The following QTMAN variants were observed in gnomAD, a reference collection of about 807,000 sequenced individuals.
QTMAN encodes queuosine-tRNA mannosyltransferase.
At chr2:144,183,801 A>T in the QTMAN span, among the ~76,000 whole-genome samples, 1 of 152,134 alleles carries the variant, frequency 6.6e-6, no homozygotes, top group Non-Finnish European at 1.5e-5. Context: ...TATCCTAACA[A>T]CACCTCCCCA....
chr2:143,981,323 A>C, the QTMAN span, among the ~76,000 whole-genome samples: 2 of 152,132 alleles, frequency 1.3e-5, no homozygotes, highest in Non-Finnish European at 2.9e-5. Context: ...CTATGAAATG[A>C]CATGAAGAAC....
chr2:144,098,706 C>T, the QTMAN span, among the ~76,000 whole-genome samples: 1 of 150,062 alleles, frequency 6.7e-6, no homozygotes, highest in South Asian at 2.1e-4. Context: ...CAGAGCAAGA[C>T]TCTGTCTCAA....
At chr2:144,188,841 G>C in the QTMAN span, among the ~76,000 whole-genome samples, 1 of 151,952 alleles carries the variant, frequency 6.6e-6, no homozygotes, top group African/African-American at 2.4e-5. Flanking sequence ...ACAACAATCT[G>C]TCCAATTAGT....
At chr2:144,012,415 G>A in the QTMAN span, among the ~76,000 whole-genome samples, 5 of 152,284 alleles carry the variant, frequency 3.3e-5, no homozygotes, top group South Asian at 1.0e-3. Flanking sequence ...AAGATTGATG[G>A]TAAGCAAAAG....
chr2:144,233,108 C>T, the QTMAN span, among the ~76,000 whole-genome samples: 11 of 151,974 alleles, frequency 7.2e-5, no homozygotes, highest in Non-Finnish European at 1.3e-4. Context: ...AAATAGAAAA[C>T]AATGGCAGAC....
the QTMAN span, among the ~76,000 whole-genome samples, chr2:144,248,162 A>G: frequency 6.6e-6 from 1 of 152,346 alleles, no homozygotes; most frequent in Admixed American, 6.5e-5. Context: ...ACGGTCAGCA[A>G]TAGGTGACTA....
At chr2:144,170,479 T>C in the QTMAN span, among the ~76,000 whole-genome samples, 1 of 152,166 alleles carries the variant, frequency 6.6e-6, no homozygotes, top group African/African-American at 2.4e-5. Context: ...TGGGTTTGCA[T>C]CATAGCTGAG....
chr2:144,188,945 CA>C, the QTMAN span, among the ~76,000 whole-genome samples: 1 of 151,796 alleles, frequency 6.6e-6, no homozygotes, highest in Non-Finnish European at 1.5e-5. Context: ...TTCAAAGTAG[CA>C]AAACAAGAGG....
chr2:144,235,153 A>C, the QTMAN span, among the ~76,000 whole-genome samples: 1 of 152,182 alleles, frequency 6.6e-6, no homozygotes, highest in Non-Finnish European at 1.5e-5. Flanking sequence ...AAAGTAGTCC[A>C]GAGAATGATG....
the QTMAN span, chr2:143,957,130 C>T: frequency 7.6e-5 from 95 of 1,250,766 alleles, no homozygotes; most frequent in Non-Finnish European, 9.4e-5. Context: ...GAAATAACAG[C>T]GAACACACAT....
At chr2:144,021,787 T>C in the QTMAN span, among the ~76,000 whole-genome samples, 1 of 152,152 alleles carries the variant, frequency 6.6e-6, no homozygotes, top group African/African-American at 2.4e-5. Flanking sequence ...ACTTTTTACA[T>C]AGTAATAATG....
the QTMAN span, among the ~76,000 whole-genome samples, chr2:144,272,469 A>G: frequency 6.6e-6 from 1 of 152,194 alleles, no homozygotes; most frequent in Non-Finnish European, 1.5e-5. Flanking sequence ...AACAAATAAC[A>G]CTATGCATGA....
At chr2:143,976,742 T>C in the QTMAN span, among the ~76,000 whole-genome samples, 1 of 152,234 alleles carries the variant, frequency 6.6e-6, no homozygotes, top group Non-Finnish European at 1.5e-5. Flanking sequence ...TTCTTTTCTC[T>C]CTTTTGGCTA....
the QTMAN span, among the ~76,000 whole-genome samples, chr2:144,027,954 G>C: frequency 6.6e-6 from 1 of 152,166 alleles, no homozygotes; most frequent in Non-Finnish European, 1.5e-5. Flanking sequence ...TCGTGCTGTA[G>C]AATTGGCTTA....
At chr2:144,162,910 T>G in the QTMAN span, among the ~76,000 whole-genome samples, 1 of 152,084 alleles carries the variant, frequency 6.6e-6, no homozygotes, top group Non-Finnish European at 1.5e-5. Context: ...TGTGCCCAGC[T>G]AGGGAAAGCC....
the QTMAN span, among the ~76,000 whole-genome samples, chr2:144,174,991 G>A: frequency 2.0e-5 from 3 of 152,134 alleles, no homozygotes; most frequent in Admixed American, 6.6e-5. Context: ...TGACCATGTA[G>A]ATATAATCCA....
chr2:143,951,839 ATCCTT>A, the QTMAN span: 1 of 570,314 alleles, frequency 1.8e-6, no homozygotes, highest in Non-Finnish European at 3.2e-6. Flanking sequence ...AGTTTAATTA[ATCCTT>A]GTTAGTGTAA....
At chr2:143,992,487 C>A in the QTMAN span, among the ~76,000 whole-genome samples, 1 of 150,270 alleles carries the variant, frequency 6.7e-6, no homozygotes, top group South Asian at 2.1e-4. Flanking sequence ...TGTCCTATGA[C>A]CCTGCCAAAT....
chr2:144,314,807 C>T, the QTMAN span, among the ~76,000 whole-genome samples: 813 of 152,276 alleles, frequency 5.3e-3, 4 homozygotes, highest in African/African-American at 0.018. Context: ...CATGGGTGTA[C>T]ACACATGTCA....
Sources: gnomAD v4.1 joint callset for allele counts (sites outside exome capture counted in the v4.1 genomes callset) on GRCh38, gnomAD v4.1.1 for gene constraint, MANE v1.5 for transcripts, NCBI Gene and HGNC (gene_info 2026-07-23, HGNC 2026-07-21) for gene names.